Variants in ZNF569 observed in about 807,000 individuals in gnomAD.
ZNF569 encodes the protein DNA-binding protein.
In ZNF569, 38 loss-of-function variants were observed where a neutral mutation model predicts 56.3. The observed-to-expected ratio is 0.68, with a 90% CI of 0.52 to 0.88. The LOEUF is 0.88. ZNF569 is among the 40% of genes least tolerant of loss of function. The pLI is 0.00. For missense variants in ZNF569, 666 were observed against 809.2 expected (o/e 0.82, Z 2.15); for synonymous variants, 241 against 262.9 (o/e 0.92, Z 0.81).
intron 5 of ZNF569, among the ~76,000 whole-genome samples, chr19:37,419,969 C>CTTTTT (rs60568702): frequency 5.3e-3 from 538 of 100,586 alleles, no homozygotes; most frequent in Non-Finnish European, 6.0e-3. Context: ...TCTTTTCTTT[C>CTTTTT]TTTTTTTTTT....
At chr19:37,427,348 A>G (rs533788651) in intron 3 of ZNF569, among the ~76,000 whole-genome samples, 1 of 152,204 alleles carries the variant, frequency 6.6e-6, no homozygotes, top group East Asian at 1.9e-4. Flanking sequence ...GAATTTCAAA[A>G]AAACTGGTGA....
intron 2 of ZNF569, among the ~76,000 whole-genome samples, chr19:37,461,720 C>T (rs968873786): frequency 1.3e-5 from 2 of 152,156 alleles, no homozygotes; most frequent in African/African-American, 2.4e-5. Flanking sequence ...TCACTCTCTT[C>T]CTATCCTCAC....
At position 37,413,071 on chromosome 19, in the gene ZNF569, T is replaced by C; in HGVS notation, c.1587A>G (p.Lys529=). The change falls in exon 6 of 6, where the codon AAA becomes AAG. Residue 529 remains lysine, a synonymous_variant. Transcript: ENST00000316950. ...TAAGGGATGCAATTTGAGAGAAGGCTTTACCACATTCATTACAATCATAAG... is the reference window on the plus strand; with the variant it reads ...TAAGGGATGCAATTTGAGAGAAGGCCTTACCACATTCATTACAATCATAAG... The part of the protein sequence containing the change: ...EKPYDCNECG[K]AFSQIASLTL... 6.2e-7 allele frequency: 1 copy of C among 1,614,012 alleles called. No individual in the cohort carries two copies. Among genetic ancestry groups the C allele is most frequent in the Non-Finnish European group, 8.5e-7 (1 of 1,179,938 alleles).
intron 2 of ZNF569, among the ~76,000 whole-genome samples, chr19:37,450,940 T>C (rs1033606373): frequency 6.6e-6 from 1 of 152,254 alleles, no homozygotes; most frequent in African/African-American, 2.4e-5. Context: ...TTCCTTGTTA[T>C]ATTGATTTCT....
At chr19:37,450,518 GTTAT>G (rs756191470) in intron 2 of ZNF569, among the ~76,000 whole-genome samples, 33 of 152,006 alleles carry the variant, frequency 2.2e-4, no homozygotes, top group African/African-American at 7.7e-4. Context: ...CAATTCTGAT[GTTAT>G]TTATTTGAGT....
intron 2 of ZNF569, among the ~76,000 whole-genome samples, chr19:37,459,490 A>T (rs1324134330): frequency 6.6e-6 from 1 of 152,186 alleles, no homozygotes; most frequent in African/African-American, 2.4e-5. Context: ...TTCAAAGTTG[A>T]AGGAGAAATG....
chr19:37,460,721 T>C (rs996239086), intron 2 of ZNF569, among the ~76,000 whole-genome samples: 7 of 149,980 alleles, frequency 4.7e-5, no homozygotes, highest in African/African-American at 1.7e-4. Context: ...CATCTGTGAA[T>C]AGTCACTGCA....
chr19:37,463,581 T>A (rs896485867), intron 2 of ZNF569, among the ~76,000 whole-genome samples: 3 of 152,240 alleles, frequency 2.0e-5, no homozygotes, highest in African/African-American at 7.2e-5. Context: ...CTTTATGTAT[T>A]TACTATACTA....
intron 2 of ZNF569, among the ~76,000 whole-genome samples, chr19:37,457,351 TAA>T (rs1298688771): frequency 6.6e-6 from 1 of 152,174 alleles, no homozygotes; most frequent in East Asian, 1.9e-4. Context: ...CTCCCCTGTT[TAA>T]ACTTCTTTTT....
chr19:37,427,900 A>G (rs2041162104), intron 3 of ZNF569: 18 of 446,720 alleles, frequency 4.0e-5, no homozygotes, highest in Middle Eastern at 6.8e-4. Context: ...AGTTTCACCA[A>G]TTACAGGGAA....
intron 3 of ZNF569, among the ~76,000 whole-genome samples, chr19:37,428,833 C>A (rs1177275638): frequency 1.3e-5 from 2 of 152,032 alleles, no homozygotes; most frequent in Admixed American, 6.6e-5. Flanking sequence ...CGCCACCACA[C>A]CCAGCTAATT....
intron 2 of ZNF569, among the ~76,000 whole-genome samples, chr19:37,463,564 G>A (rs1166885254): frequency 6.6e-6 from 1 of 152,116 alleles, no homozygotes; most frequent in Non-Finnish European, 1.5e-5. Flanking sequence ...ATAAATGACT[G>A]TTACTGCTTT....
chr19:37,430,652 C>A (rs762412523), intron 3 of ZNF569, among the ~76,000 whole-genome samples: 1 of 151,038 alleles, frequency 6.6e-6, no homozygotes, highest in African/African-American at 2.4e-5. Context: ...GATCATACTC[C>A]CCACAGGAAC....
chr19:37,423,404 C>T (rs2041070073), intron 5 of ZNF569, among the ~76,000 whole-genome samples: 1 of 150,536 alleles, frequency 6.6e-6, no homozygotes, highest in South Asian at 2.1e-4. Flanking sequence ...TTTATAAAAC[C>T]AGTCTAACAT....
At chr19:37,415,653 G>A (rs1769494932) in intron 5 of ZNF569, among the ~76,000 whole-genome samples, 1 of 150,812 alleles carries the variant, frequency 6.6e-6, no homozygotes, top group Non-Finnish European at 1.5e-5. Context: ...GGCGGATCGC[G>A]AGGTCAGGAG....
chr19:37,414,473 T>C (rs1034674980), intron 5 of ZNF569, 54 bp from the exon 6 acceptor site: 74 of 1,515,268 alleles, frequency 4.9e-5, no homozygotes, highest in Admixed American at 3.1e-4. Flanking sequence ...AATATTGTAA[T>C]ATGAAGAACA....
intron 2 of ZNF569, among the ~76,000 whole-genome samples, chr19:37,445,985 A>AT (rs1390254591): frequency 6.6e-6 from 1 of 152,216 alleles, no homozygotes; most frequent in African/African-American, 2.4e-5. Flanking sequence ...AAGAGCCCAC[A>AT]TAGCCAAAGC....
At chr19:37,429,720 C>T (rs556393923) in intron 3 of ZNF569, among the ~76,000 whole-genome samples, 4 of 152,228 alleles carry the variant, frequency 2.6e-5, no homozygotes, top group Non-Finnish European at 5.9e-5. Context: ...TGGACTATTA[C>T]ACTTGATATG....
Position 37,412,648 on chromosome 19 carries a change from A to C in ZNF569, c.2010T>G (p.Ala670=). The C allele has an allele frequency of 6.2e-7, 1 of 1,611,576 alleles. No individual in the cohort carries two copies. Among genetic ancestry groups the C allele is most frequent in the Non-Finnish European group, 8.5e-7 (1 of 1,179,130 alleles). The change falls in exon 6 of 6, where the codon GCT becomes GCG. Residue 670 remains alanine (A), a synonymous_variant. Coordinates refer to ENST00000316950, the MANE Select transcript of ZNF569 (RefSeq NM_152484.3). ...TAACAAGGTGCGACTTTTGGCTGAA[A>C]GCCTTGCCACACTCAATACAGTGAT... ...KPYHCIECGK[A]FSQKSHLVRH...
Sources: allele counts gnomAD v4.1 joint callset (sites outside exome capture counted in the v4.1 genomes callset), GRCh38; gene constraint gnomAD v4.1.1; transcripts MANE v1.5; gene names NCBI Gene and HGNC (gene_info 2026-07-23, HGNC 2026-07-21).